The following PHACTR2 variants were observed in gnomAD, a reference collection of about 807,000 sequenced individuals.
PHACTR2 encodes chromosome 6 open reading frame 56.
Under a neutral mutation model 76.0 loss-of-function variants are expected in PHACTR2, and 30 were observed. The ratio of observed to expected loss-of-function variants is 0.39; its 90% CI spans 0.30 to 0.54. The LOEUF (loss-of-function observed/expected upper bound fraction) is 0.54. Ranked by LOEUF, PHACTR2 falls within the 20% of genes least tolerant of loss-of-function variation. The pLI is 0.61. For missense variants in PHACTR2, 696 were observed against 781.1 expected, an observed-to-expected ratio of 0.89 and a Z score of 1.30; for synonymous variants, 292 against 292.5, an observed-to-expected ratio of 1.00 and a Z score of 0.02.
chr6:143,727,788 A>G (rs766569767), intron 2 of PHACTR2, among the ~76,000 whole-genome samples: 5 of 138,268 alleles, frequency 3.6e-5, no homozygotes, highest in African/African-American at 1.5e-4. Context: ...CCACATTTTA[A>G]TGGGATTATT....
rs774414853 is a variant in PHACTR2 at position 143,753,895 on chromosome 6, A to G, written c.437A>G (p.Gln146Arg). The G allele has an allele frequency of 5.6e-6, 9 of 1,602,562 alleles. No homozygotes were observed. Among genetic ancestry groups the G allele is most frequent in the Admixed American group, 1.8e-5 (1 of 56,314 alleles). ...VSEKTPPLEE[Q>R]AEDKKENTEN... ...GAAAAAACACCACCTCTGGAGGAAC[A>G]GGCAGAAGATAAGAAAGGTAAAATA... The change falls in exon 4 of 13, where the codon CAG becomes CGG. Residue 146 changes from glutamine to arginine, a missense_variant. By Grantham distance (43) the Gln-to-Arg change is conservative (BLOSUM62 1). Transcript: ENST00000440869. This position sits in a 1 kb window ranked among gnomAD's most constrained non-coding sequence, Gnocchi z 4.6.
chr6:143,626,752 GCTATGTACA>G (rs1169732299), intron 1 of PHACTR2, among the ~76,000 whole-genome samples: 2 of 152,122 alleles, frequency 1.3e-5, no homozygotes, highest in African/African-American at 2.4e-5. Flanking sequence ...GCCTGCCTGT[GCTATGTACA>G]CCAGGGGCAT....
chr6:143,689,745 T>C lies in PHACTR2; in HGVS notation c.46+11536T>C, dbSNP rs1582774384. Among the ~76,000 whole-genome samples the C allele has an allele frequency of 6.7e-6, 1 of 149,658 alleles. No homozygotes were observed. The highest frequency in any genetic ancestry group is 2.1e-4 in the South Asian group (1 of 4,674). Reference sequence around the variant, plus strand: ...TGTCGCTCTGTTGCCCAGGCTGGAGTGCAGTGGCCTGATTTCAGCTCACTG... The same window carrying C: ...TGTCGCTCTGTTGCCCAGGCTGGAGCGCAGTGGCCTGATTTCAGCTCACTG... On this transcript the variant is annotated intron_variant, in intron 1 of 12. Transcript: ENST00000440869. The surrounding 1 kb of genome is among the most constrained non-coding windows in gnomAD (Gnocchi z 4.4).
rs1775690400 is a variant in PHACTR2, at chr6:143,591,301, G to T, written c.217+54094G>T. ...GAATTCTTTAGAGATAAGCATGGAGGTGGGCCATTCCAGGGTACATTTAGG... is the reference window on the plus strand; with the variant it reads ...GAATTCTTTAGAGATAAGCATGGAGTTGGGCCATTCCAGGGTACATTTAGG... On this transcript the variant is annotated intron_variant, in intron 1 of 11. Transcript: ENST00000367584. The surrounding 1 kb of genome is among the most constrained non-coding windows in gnomAD (Gnocchi z 6.4). Among the ~76,000 whole-genome samples the T allele has an allele frequency of 6.6e-6, 1 of 152,170 alleles. No individual in the cohort carries two copies. The highest frequency in any genetic ancestry group is 1.5e-5 in the Non-Finnish European group (1 of 68,038).
At chr6:143,609,987 G>A (rs1582697193) in intron 1 of PHACTR2, among the ~76,000 whole-genome samples, 1 of 152,192 alleles carries the variant, frequency 6.6e-6, no homozygotes, top group East Asian at 1.9e-4. Context: ...GTGGAGAGTG[G>A]CTTGTAAAGT....
rs555651912 is a variant in PHACTR2, at chr6:143,780,196, G to T, written c.1645+2813G>T. On this transcript the variant is annotated intron_variant, in intron 9 of 12. Transcript: ENST00000440869. This position sits in a 1 kb window ranked among gnomAD's most constrained non-coding sequence, Gnocchi z 4.4. Reference sequence around the variant, plus strand: ...GTTGGAGGAATTTTACAGTAAATCCGCATATATCTACCATCTATAGTCTGT... The same window carrying T: ...GTTGGAGGAATTTTACAGTAAATCCTCATATATCTACCATCTATAGTCTGT... Among the ~76,000 whole-genome samples, 2 of 152,064 alleles carry T rather than the reference G, an allele frequency of 1.3e-5. No homozygotes were observed. The highest frequency in any genetic ancestry group is 1.9e-4 in the East Asian group (1 of 5,180).
intron 2 of PHACTR2, among the ~76,000 whole-genome samples, chr6:143,727,677 T>C (rs549201106): frequency 6.6e-6 from 1 of 152,230 alleles, no homozygotes; most frequent in Non-Finnish European, 1.5e-5. Flanking sequence ...AGATATATCA[T>C]TGTGGTTTTG....
chr6:143,747,183 C>T (rs775015988), intron 2 of PHACTR2, among the ~76,000 whole-genome samples: 3 of 152,108 alleles, frequency 2.0e-5, no homozygotes, highest in Non-Finnish European at 1.5e-5. Flanking sequence ...ATTCCATCCA[C>T]GAATTGTCAT....
In PHACTR2 at chr6:143,549,443, T is replaced by C. The variant is rs973764739; in HGVS notation, c.217+12236T>C. On this transcript the variant is annotated intron_variant, in intron 1 of 11. Coordinates refer to the PHACTR2 transcript ENST00000367584. This position sits in a 1 kb window ranked among gnomAD's most constrained non-coding sequence, Gnocchi z 4.2. Reference sequence around the variant, plus strand: ...GAGGTCACATGTGATTATCCAGATCTGGATTTATTGTTTTTTTATGGGGGT... The same window carrying C: ...GAGGTCACATGTGATTATCCAGATCCGGATTTATTGTTTTTTTATGGGGGT... Among the ~76,000 whole-genome samples, 3 of 151,980 alleles carry C rather than the reference T, an allele frequency of 2.0e-5. No individual in the cohort carries two copies. The highest frequency in any genetic ancestry group is 4.4e-5 in the Non-Finnish European group (3 of 67,954).
In PHACTR2 at chr6:143,823,652, T is replaced by C; in HGVS notation, c.1923-22T>C. ...AATGTGCTCCTAGGCCACAGGCTTA[T>C]AGTTTCTATTTCTTACTCCAGGTTT... On this transcript the variant is annotated intron_variant, in intron 12 of 12. Transcript: ENST00000440869. This position sits in a 1 kb window ranked among gnomAD's most constrained non-coding sequence, Gnocchi z 5.7. 1 of 1,607,522 alleles carries C rather than the reference T, an allele frequency of 6.2e-7. No homozygotes were observed. The highest frequency in any genetic ancestry group is 8.5e-7 in the Non-Finnish European group (1 of 1,174,132).
rs559059497 is a variant in PHACTR2, at chr6:143,689,168, C to G, written c.46+10959C>G. Among the ~76,000 whole-genome samples, 1 of 152,300 alleles carries G rather than the reference C, an allele frequency of 6.6e-6. No individual in the cohort carries two copies. On this transcript the variant is annotated intron_variant, in intron 1 of 12. Coordinates refer to ENST00000440869, the MANE Select transcript of PHACTR2 (RefSeq NM_001100164.2). The surrounding 1 kb of genome is among the most constrained non-coding windows in gnomAD (Gnocchi z 4.4). The stretch of plus-strand genomic sequence containing the variant: ...ATCCTTGTGCTTCATAGAGACCTTC[C>G]CTGCCTACCCCTCTCCAGAATAACC...
At chr6:143,605,747 C>A (rs199772976), upstream of PHACTR2, among the ~76,000 whole-genome samples, 7 of 152,256 alleles carry the variant, frequency 4.6e-5, no homozygotes, top group East Asian at 1.4e-3. This position sits in a 1 kb window ranked among gnomAD's most constrained non-coding sequence, Gnocchi z 5.0. Context: ...TATTTATAGG[C>A]AAGGGAGGGA....
Position 143,592,488 on chromosome 6 carries a change from C to G in PHACTR2, c.217+55281C>G, listed in dbSNP as rs1168711593. The stretch of plus-strand genomic sequence containing the variant: ...CTAATTCCAAGATGTCCCAGTCACA[C>G]TAGGACTTGTACTCCAGGGGGCGCT... On this transcript the variant is annotated intron_variant, in intron 1 of 11. Transcript: ENST00000367584. The surrounding 1 kb of genome is among the most constrained non-coding windows in gnomAD (Gnocchi z 4.0). 1.3e-5 allele frequency among the ~76,000 whole-genome samples: 2 copies of G among 152,188 alleles called. No individual in the cohort carries two copies. The highest frequency in any genetic ancestry group is 4.8e-5 in the African/African-American group (2 of 41,450).
intron 1 of PHACTR2, among the ~76,000 whole-genome samples, chr6:143,545,046 C>G (rs1232073046): frequency 6.6e-6 from 1 of 151,832 alleles, no homozygotes; most frequent in East Asian, 1.9e-4. Context: ...CATGTTCAAG[C>G]GATTCTCCCA....
Position 143,765,611 on chromosome 6 carries a change from C to A in PHACTR2, c.1045C>A (p.Pro349Thr). The A allele has an allele frequency of 2.5e-6, 4 of 1,614,166 alleles. No individual in the cohort carries two copies. The highest frequency in any genetic ancestry group is 3.4e-6 in the Non-Finnish European group (4 of 1,180,010). ...PVAPAPSPLA[P>T]PLPLEDQCIT... ...GGCTCCAGCACCTTCTCCTCTGGCC[C>A]CCCCTCTCCCTCTTGAGGATCAGTG... Residue 349 changes from proline (P) to threonine (T), a missense_variant, in exon 6 of 13, where the codon CCC becomes ACC. Pro to Thr is a conservative substitution (Grantham distance 38). Around this residue, in one of 2 missense-constraint regions of PHACTR2, gnomAD observed 460 missense variants for 450.9 expected, o/e 1.02. Coordinates refer to ENST00000440869, the MANE Select transcript of PHACTR2 (RefSeq NM_001100164.2). The surrounding 1 kb of genome is among the most constrained non-coding windows in gnomAD (Gnocchi z 4.1).
intron 6 of PHACTR2, among the ~76,000 whole-genome samples, chr6:143,771,160 A>ATATATATATATATG (rs1431088333): frequency 4.6e-5 from 1 of 21,574 alleles, no homozygotes; most frequent in Non-Finnish European, 8.7e-5. Context: ...ATATATATGT[A>ATATATATATATATG]TATATATATA....
rs1478496314 is a variant in PHACTR2, at chr6:143,595,433, G to A, written c.217+58226G>A. Among the ~76,000 whole-genome samples the A allele has an allele frequency of 6.6e-6, 1 of 152,130 alleles. No individual in the cohort carries two copies. Among genetic ancestry groups the A allele is most frequent in the Admixed American group, 6.5e-5 (1 of 15,278 alleles). On this transcript the variant is annotated intron_variant, in intron 1 of 11. Transcript: ENST00000367584. The surrounding 1 kb of genome is among the most constrained non-coding windows in gnomAD (Gnocchi z 4.2). ...GTTGAAGCACAGCAGGCAAGGCCTG[G>A]GTCATGAGAATTCTATGGTGCTGAC...
Position 143,730,882 on chromosome 6 carries a change from G to A in PHACTR2, c.215-18103G>A, listed in dbSNP as rs543641748. ...CCTGCTTCAGCCTCCTGAGTAGCTGGGACTACAGGCACGTGCCACTGCACC... is the reference window on the plus strand; with the variant it reads ...CCTGCTTCAGCCTCCTGAGTAGCTGAGACTACAGGCACGTGCCACTGCACC... On this transcript the variant is annotated intron_variant, in intron 2 of 12. Coordinates refer to ENST00000440869, the MANE Select transcript of PHACTR2 (RefSeq NM_001100164.2). The surrounding 1 kb of genome is among the most constrained non-coding windows in gnomAD (Gnocchi z 4.8). Among the ~76,000 whole-genome samples, 1 of 152,228 alleles carries A rather than the reference G, an allele frequency of 6.6e-6. No homozygotes were observed. Among genetic ancestry groups the A allele is most frequent in the South Asian group, 2.1e-4 (1 of 4,804 alleles).
chr6:143,778,842 A>G (rs1775347752), intron 9 of PHACTR2, among the ~76,000 whole-genome samples: 1 of 152,178 alleles, frequency 6.6e-6, no homozygotes, highest in Admixed American at 6.5e-5. Flanking sequence ...CCTGTGAGAT[A>G]AATAGTGCCA....
Sources: allele counts gnomAD v4.1 joint callset (sites outside exome capture counted in the v4.1 genomes callset), GRCh38; gene constraint gnomAD v4.1.1; regional missense constraint gnomAD v4.1.1; non-coding constraint Gnocchi (gnomAD v3.1); transcripts MANE v1.5; gene names NCBI Gene and HGNC (gene_info 2026-07-23, HGNC 2026-07-21).